Variants in ALK observed in about 807,000 individuals in gnomAD.
ALK encodes the protein ALK receptor tyrosine kinase.
A neutral mutation model predicts 163.1 loss-of-function variants in ALK; 74 were observed. The observed-to-expected ratio is 0.45, with a 90% CI of 0.38 to 0.55. The LOEUF is 0.55. Ranked by LOEUF, ALK falls within the 20% of genes least tolerant of loss-of-function variation. ALK has a pLI of 0.00. For missense variants in ALK, 2,063 were observed against 2,105.3 expected (o/e 0.98, Z 0.39); for synonymous variants, 960 against 843.2 (o/e 1.14, Z -2.40).
intron 5 of ALK, among the ~76,000 whole-genome samples, chr2:29,361,067 T>C (rs1405500333): frequency 6.6e-6 from 1 of 152,238 alleles, no homozygotes; most frequent in East Asian, 1.9e-4. Flanking sequence ...AAAGTCCCCC[T>C]GGATCTTCCT....
chr2:29,376,285 G>T (rs1366626395), intron 5 of ALK, among the ~76,000 whole-genome samples: 1 of 152,212 alleles, frequency 6.6e-6, no homozygotes, highest in African/African-American at 2.4e-5. Flanking sequence ...TAACCATTGA[G>T]CCGCATTTTG....
chr2:29,802,586 A>AGGGGAG (rs1558495034), intron 1 of ALK, among the ~76,000 whole-genome samples: 2 of 9,782 alleles, frequency 2.0e-4, no homozygotes, highest in Non-Finnish European at 5.5e-4. Flanking sequence ...GGGGAGGGGA[A>AGGGGAG]GAGAGGGGAG....
At chr2:29,539,614 T>A (rs62131116) in intron 3 of ALK, among the ~76,000 whole-genome samples, 1 of 151,868 alleles carries the variant, frequency 6.6e-6, no homozygotes, top group Non-Finnish European at 1.5e-5. Context: ...GAGCACAGGG[T>A]AGATCATATC....
intron 4 of ALK, among the ~76,000 whole-genome samples, chr2:29,389,198 G>C (rs1669104087): frequency 6.6e-6 from 1 of 152,220 alleles, no homozygotes; most frequent in Admixed American, 6.5e-5. Context: ...AGACTGGTGA[G>C]AAAGAATAAA....
chr2:29,279,220 A>T lies in ALK; in HGVS notation c.1818-3724T>A, dbSNP rs970070342. On this transcript the variant is annotated intron_variant, in intron 9 of 28. Transcript: ENST00000389048. ...CGACAGCAGTGGCAGCTGCTGCTTA[A>T]AAGAGTTTGATTGACACTGTGAATT... 2.6e-5 allele frequency among the ~76,000 whole-genome samples: 4 copies of T among 152,210 alleles called. No individual in the cohort carries two copies. The South Asian group carries it at 8.3e-4, about 31-fold the overall frequency.
chr2:29,533,138 G>A (rs1205141801), intron 3 of ALK, among the ~76,000 whole-genome samples: 4 of 152,190 alleles, frequency 2.6e-5, no homozygotes, highest in Non-Finnish European at 5.9e-5. Context: ...AGCGACTTCT[G>A]GTTAAAATCA....
intron 1 of ALK, among the ~76,000 whole-genome samples, chr2:29,843,124 G>T (rs1230494554): frequency 2.0e-5 from 3 of 151,990 alleles, no homozygotes; most frequent in African/African-American, 4.8e-5. Context: ...TGAGACTTCA[G>T]TAATACCAAT....
chr2:29,495,581 T>A (rs1672004043), intron 4 of ALK, among the ~76,000 whole-genome samples: 1 of 152,190 alleles, frequency 6.6e-6, no homozygotes, highest in African/African-American at 2.4e-5. Flanking sequence ...CTGATTAGAC[T>A]CACCTCAAAT....
intron 1 of ALK, among the ~76,000 whole-genome samples, chr2:29,838,329 C>A (rs2148392918): frequency 6.6e-6 from 1 of 151,938 alleles, no homozygotes; most frequent in Non-Finnish European, 1.5e-5. Context: ...ATTATTTTCC[C>A]CAAATTTGAT....
At chr2:29,787,309 G>GT (rs527916677) in intron 1 of ALK, among the ~76,000 whole-genome samples, 51 of 152,306 alleles carry the variant, frequency 3.3e-4, no homozygotes, top group African/African-American at 1.2e-3. Flanking sequence ...TGGGTGCTGG[G>GT]TAGGGGATAC....
chr2:29,555,176 C>A (rs866436355), intron 3 of ALK, among the ~76,000 whole-genome samples: 53 of 152,020 alleles, frequency 3.5e-4, no homozygotes, highest in African/African-American at 1.1e-3. Context: ...ATCTGAGAAC[C>A]CTCTCTTGGG....
intron 1 of ALK, among the ~76,000 whole-genome samples, chr2:29,768,144 C>T (rs1019133682): frequency 5.3e-5 from 8 of 152,178 alleles, no homozygotes; most frequent in Admixed American, 3.9e-4. Flanking sequence ...GCTGTGGCCA[C>T]GTCGCTGGCT....
chr2:29,837,608 G>C (rs1005560670), intron 1 of ALK, among the ~76,000 whole-genome samples: 1 of 152,154 alleles, frequency 6.6e-6, no homozygotes, highest in African/African-American at 2.4e-5. Context: ...CCATGCTTAG[G>C]AGTAGACCTA....
intron 11 of ALK, 53 bp from the exon 12 acceptor site, chr2:29,251,320 C>T: frequency 6.3e-6 from 10 of 1,575,156 alleles, no homozygotes; most frequent in Non-Finnish European, 8.6e-6. Flanking sequence ...CTCCCTCCTC[C>T]AGGGGCCTCC....
At chr2:29,390,095 G>A (rs1466124513) in intron 4 of ALK, among the ~76,000 whole-genome samples, 1 of 152,142 alleles carries the variant, frequency 6.6e-6, no homozygotes, top group Non-Finnish European at 1.5e-5. Flanking sequence ...ATGCAGGTTG[G>A]CATGCCTCTA....
At chr2:29,400,521 G>A (rs542691487) in intron 4 of ALK, among the ~76,000 whole-genome samples, 2 of 152,304 alleles carry the variant, frequency 1.3e-5, no homozygotes, top group South Asian at 4.1e-4. Flanking sequence ...AGGCTGGGGA[G>A]TCTCATTCCC....
intron 1 of ALK, among the ~76,000 whole-genome samples, chr2:29,827,421 A>G (rs1376247440): frequency 6.6e-6 from 1 of 152,204 alleles, no homozygotes; most frequent in Non-Finnish European, 1.5e-5. Context: ...CTCTAAATCC[A>G]CAGGTCTTCT....
chr2:29,795,424 C>A (rs537073311), intron 1 of ALK, among the ~76,000 whole-genome samples: 28 of 152,102 alleles, frequency 1.8e-4, no homozygotes, highest in Non-Finnish European at 3.1e-4. Flanking sequence ...AAATATAGAT[C>A]GCCTTTACAA....
At chr2:29,332,769 T>A (rs995733153) in intron 5 of ALK, among the ~76,000 whole-genome samples, 1 of 152,246 alleles carries the variant, frequency 6.6e-6, no homozygotes, top group African/African-American at 2.4e-5. Flanking sequence ...TTAAACATTA[T>A]TCAATGATTG....
Sources: gnomAD v4.1 joint callset for allele counts (sites outside exome capture counted in the v4.1 genomes callset) on GRCh38, gnomAD v4.1.1 for gene constraint, MANE v1.5 for transcripts, NCBI Gene and HGNC (gene_info 2026-07-23, HGNC 2026-07-21) for gene names.